The following UTRN variants were observed in gnomAD, a reference collection of about 807,000 sequenced individuals.
The protein encoded by UTRN is dystrophin-related protein 1.
In UTRN, 283 loss-of-function variants were observed where a neutral mutation model predicts 463.9. That is an observed-to-expected ratio of 0.61 (90% CI 0.55 to 0.67). The LOEUF is 0.67. Among genes scored for constraint, UTRN ranks in the 30% least tolerant of loss-of-function variants. The pLI is 0.00. For missense variants in UTRN, 3,922 were observed against 4,084.3 expected (o/e 0.96, Z 1.08); for synonymous variants, 1,442 against 1,431.5 (o/e 1.01, Z -0.17).
chr6:144,632,052 C>T (rs138486745), intron 51 of UTRN, among the ~76,000 whole-genome samples: 288 of 152,318 alleles, frequency 1.9e-3, no homozygotes, highest in African/African-American at 6.6e-3. Context: ...TTTATTAGAA[C>T]ATGCATATCC....
rs62427160 is a variant in UTRN at position 144,390,447 on chromosome 6, G to A, written c.80-12676G>A. ...TAAAGCACCCTTCTGATCATGTCAC[G>A]CTCTTGCTCAGGAAAAGCCAATGGC... On this transcript the variant is annotated intron_variant, in intron 2 of 74. Transcript: ENST00000367545. Among the ~76,000 whole-genome samples the A allele has an allele frequency of 7.0e-4, 107 of 152,084 alleles. 1 individual carries two copies. The highest frequency in any genetic ancestry group is 1.2e-3 in the Non-Finnish European group (79 of 67,992).
At chr6:144,333,979 A>C (rs1776526165) in intron 2 of UTRN, among the ~76,000 whole-genome samples, 1 of 152,230 alleles carries the variant, frequency 6.6e-6, no homozygotes, top group East Asian at 1.9e-4. Flanking sequence ...AAAAAAGTAC[A>C]TTGATGATCG....
At chr6:144,839,819 C>T (rs1054230298) in intron 72 of UTRN, among the ~76,000 whole-genome samples, 1 of 152,146 alleles carries the variant, frequency 6.6e-6, no homozygotes, top group African/African-American at 2.4e-5. Context: ...ACTCAGTAAA[C>T]TAGGTGTTAA....
intron 53 of UTRN, among the ~76,000 whole-genome samples, chr6:144,729,026 A>G (rs953739969): frequency 3.3e-5 from 5 of 152,156 alleles, no homozygotes; most frequent in African/African-American, 4.8e-5. Context: ...TAGGAAAATT[A>G]TCAGTAATAG....
chr6:144,815,809 C>T lies in UTRN; in HGVS notation c.9358-5073C>T, dbSNP rs914388202. Among the ~76,000 whole-genome samples, 3 of 152,206 alleles carry T rather than the reference C, an allele frequency of 2.0e-5. No homozygotes were observed. In the South Asian group the frequency reaches 6.2e-4, roughly 32 times the overall value. ...AAAATATTAATCTCCTTTGGCAACA[C>T]CCTCACAGACACACCCAGGAACAGT... is the stretch of plus-strand genomic sequence containing the variant. On this transcript the variant is annotated intron_variant, in intron 65 of 74. Coordinates refer to ENST00000367545, the MANE Select transcript of UTRN (RefSeq NM_007124.3).
chr6:144,437,821 T>A (rs1201120841), intron 11 of UTRN, 75 bp downstream of exon 11: 21 of 1,434,400 alleles, frequency 1.5e-5, no homozygotes, highest in East Asian at 2.4e-5. Flanking sequence ...GATGTCTGCA[T>A]GTCTGTGAAA....
intron 2 of UTRN, among the ~76,000 whole-genome samples, chr6:144,352,686 C>T (rs1054759228): frequency 1.3e-5 from 2 of 152,072 alleles, no homozygotes; most frequent in Non-Finnish European, 2.9e-5. Flanking sequence ...GTTACTAGGC[C>T]TTACGCTGCA....
At chr6:144,491,321 A>T (rs556973188) in intron 32 of UTRN, among the ~76,000 whole-genome samples, 2 of 152,358 alleles carry the variant, frequency 1.3e-5, no homozygotes, top group African/African-American at 4.8e-5. Context: ...ACTAGAATAG[A>T]CATGTATATA....
intron 1 of UTRN, among the ~76,000 whole-genome samples, chr6:144,289,934 G>A (rs1460516178): frequency 2.6e-5 from 4 of 151,952 alleles, no homozygotes; most frequent in Non-Finnish European, 4.4e-5. Flanking sequence ...GATTACAGGC[G>A]TGAGCCACCT....
At position 144,287,261 on chromosome 6, in the gene UTRN, C is replaced by G. The variant is rs1167803491; in HGVS notation, c.-93+1440C>G. 2.6e-5 allele frequency among the ~76,000 whole-genome samples: 4 copies of G among 152,128 alleles called. No homozygotes were observed. The East Asian group carries it at 7.7e-4, about 29-fold the overall frequency. On this transcript the variant is annotated intron_variant, in intron 1 of 74. Coordinates refer to ENST00000367545, the MANE Select transcript of UTRN (RefSeq NM_007124.3). ...CCCCTTTTACCAGCCTTTATGGGAC[C>G]GATGAGACAACTCTTTAACTCTCCT... is the stretch of plus-strand genomic sequence containing the variant.
intron 53 of UTRN, among the ~76,000 whole-genome samples, chr6:144,712,755 C>T (rs1013568599): frequency 6.6e-6 from 1 of 152,168 alleles, no homozygotes; most frequent in Admixed American, 6.5e-5. Flanking sequence ...GCCAAGGAGA[C>T]ATGAATCACG....
chr6:144,730,466 G>C lies in UTRN; in HGVS notation c.7919G>C (p.Arg2640Thr). Residue 2640 changes from arginine to threonine, a missense_variant, in exon 54 of 75, where the codon AGA becomes ACA. Around this residue, in one of 3 missense-constraint regions of UTRN, gnomAD observed 1,309 missense variants for 1,452.6 expected, o/e 0.90. Transcript: ENST00000367545. Reference sequence around the variant, plus strand: ...ATTGAGGCCCCTGAAGAGCCAAGAAGAAACCTACAATCAAAAACAGGTGAG... The same window carrying C: ...ATTGAGGCCCCTGAAGAGCCAAGAACAAACCTACAATCAAAAACAGGTGAG... ...QPIEAPEEPR[R>T]NLQSKTELTP... 1 of 1,608,490 alleles carries C rather than the reference G, an allele frequency of 6.2e-7. No individual in the cohort carries two copies. Among genetic ancestry groups the C allele is most frequent in the African/African-American group, 1.3e-5 (1 of 74,594 alleles).
At chr6:144,341,428 G>T (rs1777131255) in intron 2 of UTRN, among the ~76,000 whole-genome samples, 1 of 152,050 alleles carries the variant, frequency 6.6e-6, no homozygotes, top group African/African-American at 2.4e-5. Flanking sequence ...ACATGAATTT[G>T]CTCAAACACA....
rs140366529 is a variant in UTRN, at chr6:144,505,625, T to A, written c.4765-5319T>A. On this transcript the variant is annotated intron_variant, in intron 34 of 74. Coordinates refer to ENST00000367545, the MANE Select transcript of UTRN (RefSeq NM_007124.3). The stretch of plus-strand genomic sequence containing the variant: ...GCACTGTGGTCTGAGAGACTGTTTG[T>A]TACGATTTCTGTTCTTTTGCATTTG... Among the ~76,000 whole-genome samples the A allele has an allele frequency of 4.7e-3, 717 of 152,360 alleles. 6 individuals are homozygous for A. The highest frequency in any genetic ancestry group is 0.01 in the Middle Eastern group (3 of 294).
intron 65 of UTRN, among the ~76,000 whole-genome samples, chr6:144,808,528 T>C (rs1307848053): frequency 1.3e-5 from 2 of 152,120 alleles, no homozygotes; most frequent in Non-Finnish European, 2.9e-5. Context: ...AGATAGTGTG[T>C]GGTTTTGTTT....
At chr6:144,674,950 A>G (rs1031633210) in intron 51 of UTRN, among the ~76,000 whole-genome samples, 1 of 152,230 alleles carries the variant, frequency 6.6e-6, no homozygotes, top group African/African-American at 2.4e-5. Flanking sequence ...TTATCTGGCA[A>G]TTCAGATATT....
rs1459034999 is a variant in UTRN, at chr6:144,852,357, A to G, written c.*1360A>G. 1.3e-5 allele frequency: 2 copies of G among 152,036 alleles called. No individual in the cohort carries two copies. Among genetic ancestry groups the G allele is most frequent in the African/African-American group, 4.8e-5 (2 of 41,326 alleles). The allele number at this position is 152,036 out of a possible 1,614,324, so 9.4% of individuals were successfully genotyped here. On this transcript the variant is annotated 3_prime_UTR_variant, in exon 75 of 75. Coordinates refer to ENST00000367545, the MANE Select transcript of UTRN (RefSeq NM_007124.3). Reference sequence around the variant, plus strand: ...TTACTTAATTAGCAAATGTAGAGGAACCAAAAAAAGGTGAAAATAATATGT... The same window carrying G: ...TTACTTAATTAGCAAATGTAGAGGAGCCAAAAAAAGGTGAAAATAATATGT...
chr6:144,373,670 G>A (rs1219106800), intron 2 of UTRN, among the ~76,000 whole-genome samples: 6 of 152,306 alleles, frequency 3.9e-5, no homozygotes, highest in South Asian at 2.1e-4. Context: ...ATTTTATGGC[G>A]TGTGAATTAC....
chr6:144,643,305 A>G (rs1777947981), intron 51 of UTRN, among the ~76,000 whole-genome samples: 1 of 152,218 alleles, frequency 6.6e-6, no homozygotes, highest in South Asian at 2.1e-4. Flanking sequence ...ATTATGGTCT[A>G]TCAGAGAGGA....
Sources: gnomAD v4.1 joint callset for allele counts (sites outside exome capture counted in the v4.1 genomes callset) on GRCh38, gnomAD v4.1.1 for gene constraint, gnomAD v4.1.1 regional missense constraint, MANE v1.5 for transcripts, NCBI Gene and HGNC (gene_info 2026-07-23, HGNC 2026-07-21) for gene names.